The following LRRIQ1 variants were observed in gnomAD, a reference collection of about 807,000 sequenced individuals.
LRRIQ1 encodes the protein leucine rich repeats and IQ motif containing 1, also known as leucine-rich repeat- and IQ domain-containing protein 1.
In LRRIQ1, 210 loss-of-function variants were observed where a neutral mutation model predicts 211.9. The observed-to-expected ratio is 0.99, with a 90% CI of 0.89 to 1.11. The LOEUF is 1.11. LRRIQ1 is among the 50% of genes most tolerant of loss of function. The probability of loss-of-function intolerance (pLI) is 0.00; values close to 1 mark genes in which losing one functional copy is unlikely to be tolerated. For synonymous variants in LRRIQ1, 699 were observed against 650.1 expected (o/e 1.08, Z -1.14); for missense variants, 2,136 against 1,939.5 (o/e 1.10, Z -1.90).
chr12:85,058,589 T>C (rs1881409397), intron 8 of LRRIQ1, among the ~76,000 whole-genome samples: 1 of 152,008 alleles, frequency 6.6e-6, no homozygotes, highest in African/African-American at 2.4e-5. Context: ...AGAAGGAAGT[T>C]AAGATGTGTG....
intron 11 of LRRIQ1, among the ~76,000 whole-genome samples, chr12:85,082,718 T>C (rs12580770): frequency 0.025 from 3,755 of 152,288 alleles, 161 homozygotes; most frequent in East Asian, 0.2. Flanking sequence ...TAGTTCTGTT[T>C]CTGTGTGTTT....
chr12:85,180,125 A>G (rs918431545), intron 24 of LRRIQ1, among the ~76,000 whole-genome samples: 1 of 151,942 alleles, frequency 6.6e-6, no homozygotes, highest in Non-Finnish European at 1.5e-5. Flanking sequence ...TTCACATTCA[A>G]GCTATAAGTT....
chr12:85,245,675 T>C (rs1020750648), downstream of LRRIQ1, among the ~76,000 whole-genome samples: 7 of 150,956 alleles, frequency 4.6e-5, no homozygotes, highest in Non-Finnish European at 8.9e-5. Flanking sequence ...AAAGTCCTTA[T>C]TTAACCCTAG....
intron 24 of LRRIQ1, among the ~76,000 whole-genome samples, chr12:85,167,867 A>G (rs114569573): frequency 0.028 from 4,242 of 152,288 alleles, 193 homozygotes; most frequent in African/African-American, 0.097. Context: ...TAATAAGGTC[A>G]TAATAATGCC....
chr12:85,238,509 A>G (rs1049432746), intron 26 of LRRIQ1, among the ~76,000 whole-genome samples: 1 of 152,124 alleles, frequency 6.6e-6, no homozygotes, highest in African/African-American at 2.4e-5. Context: ...ACAGGGGACC[A>G]TTTGTAAGGA....
intron 23 of LRRIQ1, among the ~76,000 whole-genome samples, chr12:85,157,643 A>T (rs899926646): frequency 2.6e-5 from 4 of 151,938 alleles, no homozygotes; most frequent in Non-Finnish European, 4.4e-5. Flanking sequence ...TATTGAAAAC[A>T]TGCAGGGTCA....
chr12:85,138,441 A>T (rs564397915), intron 19 of LRRIQ1, among the ~76,000 whole-genome samples: 14 of 151,686 alleles, frequency 9.2e-5, no homozygotes, highest in Admixed American at 2.0e-4. Context: ...TATTTTGTAG[A>T]ATATCTCTGA....
At chr12:85,198,585 T>C (rs1893126252) in intron 24 of LRRIQ1, among the ~76,000 whole-genome samples, 2 of 151,700 alleles carry the variant, frequency 1.3e-5, no homozygotes, top group Admixed American at 6.6e-5. Flanking sequence ...TTTTTTTTTT[T>C]GAGACAGAGT....
chr12:85,052,882 C>T (rs1880499674), intron 7 of LRRIQ1, among the ~76,000 whole-genome samples: 1 of 151,962 alleles, frequency 6.6e-6, no homozygotes, highest in Non-Finnish European at 1.5e-5. Flanking sequence ...ACAATAATAG[C>T]TCACCTATAG....
chr12:85,051,834 C>T (rs1880359838), intron 6 of LRRIQ1, among the ~76,000 whole-genome samples: 1 of 152,060 alleles, frequency 6.6e-6, no homozygotes, highest in Admixed American at 6.6e-5. Flanking sequence ...GGTGAGAAAA[C>T]AATTGTAACA....
intron 5 of LRRIQ1, 25 bp from the exon 6 acceptor site, chr12:85,047,222 A>T: frequency 6.6e-7 from 1 of 1,507,470 alleles, no homozygotes; most frequent in Non-Finnish European, 8.9e-7. Context: ...ACAAATGATG[A>T]TGTTATTTTT....
chr12:85,227,565 A>G (rs1894724582), intron 24 of LRRIQ1, among the ~76,000 whole-genome samples: 1 of 152,260 alleles, frequency 6.6e-6, no homozygotes, highest in South Asian at 2.1e-4. Flanking sequence ...ATGAATAGGA[A>G]GAATCAGTAT....
intron 1 of LRRIQ1, chr12:85,262,898 T>A (rs1896337601): frequency 2.1e-6 from 2 of 963,890 alleles, no homozygotes; most frequent in African/African-American, 3.5e-5. Flanking sequence ...AAGTGTATAT[T>A]TAATATCACT....
At position 85,106,577 on chromosome 12, in the gene LRRIQ1, T is replaced by C. The variant is rs1229857441; in HGVS notation, c.3339T>C (p.Ser1113=). The change falls in exon 15 of 27, where the codon TCT becomes TCC. Residue 1113 remains serine, a synonymous_variant. Transcript: ENST00000393217. ...FDACYSLHEL[S]LTGNPLLQET... is the part of the protein sequence containing the mutation. ...CATGCTATTCTCTCCATGAATTGTCTCTTACTGGAAACCCACTTCTTCAAG... is the reference window on the plus strand; with the variant it reads ...CATGCTATTCTCTCCATGAATTGTCCCTTACTGGAAACCCACTTCTTCAAG... The C allele has an allele frequency of 6.2e-7, 1 of 1,612,926 alleles. No individual in the cohort carries two copies.
Position 85,040,675 on chromosome 12 carries a change from A to C in LRRIQ1, c.244+74A>C, listed in dbSNP as rs1050234656. 3.8e-5 allele frequency: 31 copies of C among 818,004 alleles called. No individual in the cohort carries two copies. The African/African-American group carries it at 5.2e-4, about 14-fold the overall frequency. The allele number at this position is 818,004 out of a possible 1,614,324, so 50.7% of individuals were successfully genotyped here. A position where few individuals can be genotyped will look rare whatever the true frequency, so the allele number is the denominator to read the frequency against. On this transcript the variant is annotated intron_variant, in intron 3 of 26. Transcript: ENST00000393217. ...AACAAATTATAATTTAGTAAACTAAAGTGCTTAAAGTTCTTATCTCTTACT... is the reference window on the plus strand; with the variant it reads ...AACAAATTATAATTTAGTAAACTAACGTGCTTAAAGTTCTTATCTCTTACT...
rs1322880887 is a variant in LRRIQ1 at position 85,065,277 on chromosome 12, T to A, written c.2407T>A (p.Phe803Ile). ...GTTCCTCTAGGTTACAACAGTTACA[T>A]TTCAAGATTTGCCAGGCTGTGTTCT... ...DTLQQVTTVT[F>I]QDLPGCVLST... Residue 803 changes from phenylalanine to isoleucine, a missense_variant, in exon 9 of 27, where the codon TTT becomes ATT. Phe to Ile is a conservative substitution (Grantham distance 21, BLOSUM62 0). Transcript: ENST00000393217. The A allele has an allele frequency of 6.2e-7, 1 of 1,609,040 alleles. No individual in the cohort carries two copies. The highest frequency in any genetic ancestry group is 8.5e-7 in the Non-Finnish European group (1 of 1,177,230).
intron 24 of LRRIQ1, among the ~76,000 whole-genome samples, chr12:85,220,626 T>C (rs1384714436): frequency 7.1e-6 from 1 of 141,674 alleles, no homozygotes; most frequent in Non-Finnish European, 1.5e-5. Context: ...GTTTTATTTT[T>C]ATTTATTTAT....
chr12:85,081,746 G>A (rs1377074555), intron 11 of LRRIQ1, among the ~76,000 whole-genome samples: 1 of 76,364 alleles, frequency 1.3e-5, no homozygotes, highest in African/African-American at 5.9e-5. Flanking sequence ...TTTTTTTTGA[G>A]ACAGTCTCAC....
intron 13 of LRRIQ1, among the ~76,000 whole-genome samples, chr12:85,103,284 A>G (rs1451346576): frequency 6.6e-6 from 1 of 151,362 alleles, no homozygotes; most frequent in Non-Finnish European, 1.5e-5. Context: ...TATAATATGC[A>G]TAATTAATTA....
Sources: allele counts gnomAD v4.1 joint callset (sites outside exome capture counted in the v4.1 genomes callset), GRCh38; gene constraint gnomAD v4.1.1; transcripts MANE v1.5; gene names NCBI Gene and HGNC (gene_info 2026-07-23, HGNC 2026-07-21).